Variants in TOP3A observed in about 807,000 individuals in gnomAD.
TOP3A encodes DNA topoisomerase III alpha.
TOP3A carries 64 observed loss-of-function variants against 111.3 expected under a neutral mutation model. The ratio of observed to expected loss-of-function variants is 0.57; its 90% CI spans 0.47 to 0.71. The LOEUF (loss-of-function observed/expected upper bound fraction) is 0.71. TOP3A is among the 30% of genes least tolerant of loss of function. The pLI is 0.00. For missense variants in TOP3A, 1,104 were observed against 1,285.0 expected (o/e 0.86, Z 2.15); for synonymous variants, 484 against 485.1 (o/e 1.00, Z 0.03).
rs1457815699 is a variant in TOP3A, at chr17:18,292,923, C to G, written c.1074-71G>C. ...TGATTGGTCTATAAACAACTGAAAG[C>G]ACACACTAACACCTGCAAACACTCA... On this transcript the variant is annotated intron_variant, in intron 10 of 18. Coordinates refer to ENST00000321105, the MANE Select transcript of TOP3A (RefSeq NM_004618.5). The G allele has an allele frequency of 2.2e-6, 3 of 1,392,074 alleles. No homozygotes were observed. The African/African-American group carries it at 4.3e-5, about 20-fold the overall frequency. 86.2% of individuals were successfully genotyped at this position (1,392,074 alleles called of 1,614,324 possible).
At chr17:18,297,735 C>A (rs1046855780) in intron 9 of TOP3A, among the ~76,000 whole-genome samples, 2 of 152,010 alleles carry the variant, frequency 1.3e-5, no homozygotes, top group Non-Finnish European at 2.9e-5. Flanking sequence ...CTCAATGGTG[C>A]CCAGGCTGGA....
chr17:18,278,449 T>C (rs1979548580), intron 17 of TOP3A, 92 bp from the exon 18 acceptor site: 3 of 1,202,228 alleles, frequency 2.5e-6, no homozygotes, highest in South Asian at 3.7e-5. Context: ...TAGGCCTCTC[T>C]CCACCATTCC....
At chr17:18,299,737 G>T in intron 8 of TOP3A, 104 bp from the exon 9 acceptor site, 1 of 1,044,936 alleles carries the variant, frequency 9.6e-7, no homozygotes, top group Non-Finnish European at 1.5e-6. Context: ...ACTGACCACC[G>T]CCAGCTAAGC....
At chr17:18,300,199 T>C (rs1222749511) in intron 8 of TOP3A, among the ~76,000 whole-genome samples, 1 of 152,026 alleles carries the variant, frequency 6.6e-6, no homozygotes, top group Non-Finnish European at 1.5e-5. Flanking sequence ...AGCTAGACCA[T>C]CCTGGCCAAC....
intron 5 of TOP3A, 97 bp downstream of exon 5, chr17:18,305,015 G>T: frequency 2.1e-6 from 2 of 950,552 alleles, no homozygotes; most frequent in Non-Finnish European, 1.7e-6. Context: ...AGTACCTGCA[G>T]AGGACCTCAT....
intron 11 of TOP3A, among the ~76,000 whole-genome samples, chr17:18,292,401 G>A (rs1980532400): frequency 6.6e-6 from 1 of 152,220 alleles, no homozygotes; most frequent in African/African-American, 2.4e-5. Context: ...TGCCTATGAA[G>A]GACTAGCAGG....
intron 15 of TOP3A, among the ~76,000 whole-genome samples, chr17:18,283,251 C>A (rs1979881086): frequency 6.6e-6 from 1 of 152,072 alleles, no homozygotes; most frequent in East Asian, 1.9e-4. Flanking sequence ...TGCCTGTAAT[C>A]CAAGCTACTC....
intron 9 of TOP3A, 72 bp from the exon 10 acceptor site, chr17:18,294,857 A>C: frequency 9.9e-6 from 10 of 1,007,126 alleles, no homozygotes; most frequent in Non-Finnish European, 1.6e-5. Flanking sequence ...TACACAACTC[A>C]TCTTCAGTCA....
At chr17:18,280,908 C>T (rs551243114) in intron 16 of TOP3A, among the ~76,000 whole-genome samples, 31 of 152,376 alleles carry the variant, frequency 2.0e-4, no homozygotes, top group South Asian at 6.2e-4. Context: ...ACCAAGCTGA[C>T]GCCAGGGGCT....
intron 1 of TOP3A, chr17:18,311,901 C>CA (rs1457051262): frequency 6.6e-6 from 1 of 152,368 alleles, no homozygotes; most frequent in African/African-American, 2.4e-5. Flanking sequence ...CTAGCCGCCC[C>CA]AGATGCCAAA....
chr17:18,301,836 T>G (rs1353444937), intron 8 of TOP3A, 49 bp downstream of exon 8: 2 of 1,453,752 alleles, frequency 1.4e-6, no homozygotes, highest in Non-Finnish European at 9.6e-7. Context: ...ACAGTGGGAG[T>G]GGTTTGGGAG....
Position 18,278,075 on chromosome 17 carries a change from A to G in TOP3A, c.2427T>C (p.Asn809=). The change falls in exon 18 of 19, where the codon AAT becomes AAC. Residue 809 remains asparagine, a synonymous_variant. Transcript: ENST00000321105. ...LPPPTAAGES[N]SVTCNCGQEA... ...CCTGGCCACAGTTGCAGGTCACAGAATTGCTTTCACCAGCAGCCGTGGGTG... is the reference window on the plus strand; with the variant it reads ...CCTGGCCACAGTTGCAGGTCACAGAGTTGCTTTCACCAGCAGCCGTGGGTG... 6.2e-7 allele frequency: 1 copy of G among 1,614,206 alleles called. No individual in the cohort carries two copies. Among genetic ancestry groups the G allele is most frequent in the Non-Finnish European group, 8.5e-7 (1 of 1,180,038 alleles).
At chr17:18,291,576 C>T (rs567018395) in intron 11 of TOP3A, among the ~76,000 whole-genome samples, 3 of 152,284 alleles carry the variant, frequency 2.0e-5, no homozygotes, top group South Asian at 2.1e-4. Context: ...CAAATGTTAA[C>T]TATAGTATCA....
At chr17:18,275,817 G>A (rs150904423) in intron 18 of TOP3A, among the ~76,000 whole-genome samples, 3 of 147,530 alleles carry the variant, frequency 2.0e-5, no homozygotes, top group African/African-American at 7.5e-5. Context: ...CACCATGCCC[G>A]GCTAATTGTT....
At chr17:18,283,485 AG>A (rs1979897915) in intron 15 of TOP3A, among the ~76,000 whole-genome samples, 1 of 152,206 alleles carries the variant, frequency 6.6e-6, no homozygotes, top group South Asian at 2.1e-4. Flanking sequence ...GGTACTCTAA[AG>A]AACAGAAAAT....
At chr17:18,276,494 G>A (rs933648491) in intron 18 of TOP3A, among the ~76,000 whole-genome samples, 5 of 152,192 alleles carry the variant, frequency 3.3e-5, no homozygotes, top group Admixed American at 6.5e-5. Context: ...GTTTCTTTCT[G>A]TGCATGCCGG....
At chr17:18,277,628 C>T (rs759515711) in intron 18 of TOP3A, 47 bp downstream of exon 18, 2 of 1,562,488 alleles carry the variant, frequency 1.3e-6, no homozygotes, top group Non-Finnish European at 1.7e-6. Context: ...CTGAGGTAAA[C>T]ACCTGAAAAC....
intron 13 of TOP3A, among the ~76,000 whole-genome samples, chr17:18,287,683 T>C (rs1191077482): frequency 6.6e-6 from 1 of 151,830 alleles, no homozygotes; most frequent in Non-Finnish European, 1.5e-5. Flanking sequence ...CAGAGTAAGA[T>C]GCTATCTCTC....
chr17:18,271,757 C>T lies in TOP3A; in HGVS notation c.*3045G>A, dbSNP rs925841370. ...ACAACTCAACAACAAAGACAGACAA[C>T]ACAATTTAAAAATGGGGGAAGAGAC... On this transcript the variant is annotated 3_prime_UTR_variant, in exon 19 of 19. Transcript: ENST00000321105. 2.2e-6 allele frequency: 1 copy of T among 451,650 alleles called. No homozygotes were observed. Among genetic ancestry groups the T allele is most frequent in the Non-Finnish European group, 4.5e-6 (1 of 221,404 alleles). The allele number at this position is 451,650 out of a possible 1,614,324, so 28.0% of individuals were successfully genotyped here. A position where few individuals can be genotyped will look rare whatever the true frequency, so the allele number is the denominator to read the frequency against.
Sources: allele counts gnomAD v4.1 joint callset (sites outside exome capture counted in the v4.1 genomes callset), GRCh38; gene constraint gnomAD v4.1.1; transcripts MANE v1.5; gene names NCBI Gene and HGNC (gene_info 2026-07-23, HGNC 2026-07-21).